The following EPHA3 variants were observed in gnomAD, a reference collection of about 807,000 sequenced individuals.
EPHA3 encodes ephrin type-A receptor 3.
Under a neutral mutation model 107.1 loss-of-function variants are expected in EPHA3, and 42 were observed. The observed-to-expected ratio is 0.39, with a 90% CI of 0.31 to 0.51. The LOEUF (loss-of-function observed/expected upper bound fraction) is 0.51. Among genes scored for constraint, EPHA3 ranks in the 20% least tolerant of loss-of-function variants. The probability of loss-of-function intolerance (pLI) is 0.78; values close to 1 mark genes in which losing one functional copy is unlikely to be tolerated. For synonymous variants in EPHA3, 461 were observed against 424.8 expected (o/e 1.09, Z -1.05); for missense variants, 1,183 against 1,211.2 (o/e 0.98, Z 0.35).
At chr3:89,385,108 G>T (rs1708589762) in intron 5 of EPHA3, among the ~76,000 whole-genome samples, 1 of 151,966 alleles carries the variant, frequency 6.6e-6, no homozygotes, top group African/African-American at 2.4e-5. Context: ...TTTATGATAG[G>T]TTTGCTAATA....
intron 3 of EPHA3, among the ~76,000 whole-genome samples, chr3:89,240,949 GAC>G (rs758563424): frequency 2.6e-5 from 4 of 151,850 alleles, no homozygotes; most frequent in Non-Finnish European, 4.4e-5. Flanking sequence ...GAAAATTAAG[GAC>G]ATGGATTAAA....
Position 89,407,268 on chromosome 3 carries a change from G to A in EPHA3, c.1595-1G>A, listed in dbSNP as rs2107516391. On this transcript the variant is annotated splice_acceptor_variant, in intron 7 of 16. Transcript: ENST00000336596. LOFTEE classifies it high-confidence loss of function. ...CTTATTTTTTCTCTTCAACCTCACA[G>A]CTTTCTCCATCTCTGGTGAAAGTAG... 1 of 1,611,928 alleles carries A rather than the reference G, an allele frequency of 6.2e-7. No individual in the cohort carries two copies. The highest frequency in any genetic ancestry group is 8.5e-7 in the Non-Finnish European group (1 of 1,178,294).
Position 89,341,695 on chromosome 3 carries a change from T to C in EPHA3, c.971-60T>C, listed in dbSNP as rs558130380. 2.3e-5 allele frequency: 30 copies of C among 1,327,768 alleles called. No homozygotes were observed. In the African/African-American group the frequency reaches 4.3e-4, roughly 19 times the overall value. 82.2% of individuals were successfully genotyped at this position (1,327,768 alleles called of 1,614,324 possible). A position where few individuals can be genotyped will look rare whatever the true frequency, so the allele number is the denominator to read the frequency against. On this transcript the variant is annotated intron_variant, in intron 4 of 16. Coordinates refer to ENST00000336596, the MANE Select transcript of EPHA3 (RefSeq NM_005233.6). ...ATTCAGTTCCATTGTAAATTATCTA[T>C]TTCCCTTGTAGTAGAAAACAGAAGT...
At chr3:89,144,796 T>G (rs1379168268) in intron 2 of EPHA3, among the ~76,000 whole-genome samples, 48 of 151,808 alleles carry the variant, frequency 3.2e-4, no homozygotes, top group Non-Finnish European at 4.4e-5. Context: ...GTTTATATTT[T>G]CAATGCCCAA....
chr3:89,342,914 A>G (rs1707564629), intron 5 of EPHA3, among the ~76,000 whole-genome samples: 1 of 151,894 alleles, frequency 6.6e-6, no homozygotes, highest in Non-Finnish European at 1.5e-5. Context: ...AGCCAAAGGG[A>G]GAGGGAAGAG....
At chr3:89,467,176 T>G (rs1710298417) in intron 15 of EPHA3, among the ~76,000 whole-genome samples, 1 of 152,076 alleles carries the variant, frequency 6.6e-6, no homozygotes, top group Non-Finnish European at 1.5e-5. Context: ...TATAAGATTT[T>G]CCCCCTGAAA....
chr3:89,242,785 G>T (rs1185556677), intron 3 of EPHA3, among the ~76,000 whole-genome samples: 1 of 151,610 alleles, frequency 6.6e-6, no homozygotes, highest in African/African-American at 2.4e-5. Flanking sequence ...TTAAGTTTTA[G>T]GGTACATGTG....
chr3:89,476,176 CAT>C (rs1393657334), intron 16 of EPHA3, among the ~76,000 whole-genome samples: 8 of 144,524 alleles, frequency 5.5e-5, no homozygotes, highest in South Asian at 2.1e-4. Flanking sequence ...TTGTAGATAA[CAT>C]ATATAAACAT....
At chr3:89,408,979 G>A (rs776489397) in intron 9 of EPHA3, among the ~76,000 whole-genome samples, 39 of 152,038 alleles carry the variant, frequency 2.6e-4, no homozygotes, top group Non-Finnish European at 3.7e-4. Flanking sequence ...TGTATCAGCC[G>A]TTGGATTATC....
At position 89,111,064 on chromosome 3, in the gene EPHA3, A is replaced by T. The variant is rs184508212; in HGVS notation, c.88+3228A>T. ...TGAATAAAATTAAATATTCATATTT[A>T]TATACTACTTTTTTAAAGACTTTTT... On this transcript the variant is annotated intron_variant, in intron 1 of 16. Coordinates refer to ENST00000336596, the MANE Select transcript of EPHA3 (RefSeq NM_005233.6). Among the ~76,000 whole-genome samples, 920 of 152,082 alleles carry T rather than the reference A, an allele frequency of 6.0e-3. 6 individuals are homozygous for T. The highest frequency in any genetic ancestry group is 0.021 in the African/African-American group (858 of 41,536).
In EPHA3 at chr3:89,199,802, A is replaced by G. The variant is rs113171927; in HGVS notation, c.154-10058A>G. Among the ~76,000 whole-genome samples the G allele has an allele frequency of 2.6e-5, 4 of 152,334 alleles. 1 individual carries two copies. The highest frequency in any genetic ancestry group is 9.6e-5 in the African/African-American group (4 of 41,584). On this transcript the variant is annotated intron_variant, in intron 2 of 16. Transcript: ENST00000336596. ...CTCAGTTAAGGATACTCTGACAGAT[A>G]ACTGTCTACATTACTGATTTTCTAA...
In EPHA3 at chr3:89,230,746, T is replaced by A. The variant is rs559812989; in HGVS notation, c.814+20226T>A. Among the ~76,000 whole-genome samples the A allele has an allele frequency of 2.6e-5, 4 of 151,876 alleles. No homozygotes were observed. In the East Asian group the frequency reaches 7.7e-4, roughly 29 times the overall value. On this transcript the variant is annotated intron_variant, in intron 3 of 16. Coordinates refer to ENST00000336596, the MANE Select transcript of EPHA3 (RefSeq NM_005233.6). The stretch of plus-strand genomic sequence containing the variant: ...ATCTTCCTTCAGATTTTATAGTACA[T>A]CTAGATCCACTGGTATGGTTCCACT...
chr3:89,205,127 T>C (rs1706068485), intron 2 of EPHA3, among the ~76,000 whole-genome samples: 1 of 152,182 alleles, frequency 6.6e-6, no homozygotes, highest in Non-Finnish European at 1.5e-5. Context: ...ATTTTCCAAA[T>C]TATATTAGCT....
chr3:89,300,307 C>A (rs1706451667), intron 3 of EPHA3, among the ~76,000 whole-genome samples: 1 of 151,752 alleles, frequency 6.6e-6, no homozygotes, highest in African/African-American at 2.4e-5. Flanking sequence ...ACTCTTACAG[C>A]CTATTTAGAA....
At position 89,210,073 on chromosome 3, in the gene EPHA3, T is replaced by A. The variant is rs2107181457; in HGVS notation, c.367T>A (p.Tyr123Asn). The change falls in exon 3 of 17, where the codon TAC (tyrosine) becomes AAC (asparagine). Residue 123 changes from tyrosine to asparagine, a missense_variant. Tyr to Asn is a moderately radical substitution (Grantham distance 143, BLOSUM62 -2). Coordinates refer to ENST00000336596, the MANE Select transcript of EPHA3 (RefSeq NM_005233.6). ...LGTCKETFNL[Y>N]YMESDDDHGV... ...AACTTGCAAGGAGACATTCAACCTGTACTACATGGAGTCTGATGATGATCA... is the reference window on the plus strand; with the variant it reads ...AACTTGCAAGGAGACATTCAACCTGAACTACATGGAGTCTGATGATGATCA... The A allele has an allele frequency of 6.2e-7, 1 of 1,614,040 alleles. No homozygotes were observed. The highest frequency in any genetic ancestry group is 8.5e-7 in the Non-Finnish European group (1 of 1,179,926).
chr3:89,173,954 C>T (rs1428296742), intron 2 of EPHA3, among the ~76,000 whole-genome samples: 1 of 151,790 alleles, frequency 6.6e-6, no homozygotes, highest in African/African-American at 2.4e-5. Context: ...AGCAAACATG[C>T]ATTTTATTCC....
At chr3:89,413,103 C>T in intron 9 of EPHA3, 38 bp from the exon 10 acceptor site, 6 of 1,608,310 alleles carry the variant, frequency 3.7e-6, no homozygotes, top group Non-Finnish European at 5.1e-6. Context: ...TTGTACAAAT[C>T]TAGCTACAAT....
At chr3:89,314,841 C>T (rs35541266) in intron 3 of EPHA3, among the ~76,000 whole-genome samples, 20 of 151,986 alleles carry the variant, frequency 1.3e-4, no homozygotes, top group Admixed American at 6.6e-4. Flanking sequence ...TACTTAACAA[C>T]GGGAGTACAT....
chr3:89,368,605 A>T (rs1206392339), intron 5 of EPHA3, among the ~76,000 whole-genome samples: 1 of 150,410 alleles, frequency 6.6e-6, no homozygotes, highest in Admixed American at 6.7e-5. Context: ...CAGACCCAAG[A>T]AGCTGGATCT....
Sources: gnomAD v4.1 joint callset for allele counts (sites outside exome capture counted in the v4.1 genomes callset) on GRCh38, gnomAD v4.1.1 for gene constraint, MANE v1.5 for transcripts, NCBI Gene and HGNC (gene_info 2026-07-23, HGNC 2026-07-21) for gene names.